The following SLC25A10 variants were observed in gnomAD, a reference collection of about 807,000 sequenced individuals.
SLC25A10 encodes mitochondrial dicarboxylate carrier.
A neutral mutation model predicts 40.4 loss-of-function variants in SLC25A10; 32 were observed. The observed-to-expected ratio is 0.79, with a 90% CI of 0.60 to 1.06. The LOEUF is 1.06. SLC25A10 is among the 50% of genes least tolerant of loss of function. The pLI is 0.00. For synonymous variants in SLC25A10, 181 were observed against 171.1 expected, an observed-to-expected ratio of 1.06 and a Z score of -0.45; for missense variants, 394 against 402.6, an observed-to-expected ratio of 0.98 and a Z score of 0.18.
chr17:81,720,366 A>G lies in SLC25A10; in HGVS notation c.*289A>G. 1 of 1,411,174 alleles carries G rather than the reference A, an allele frequency of 7.1e-7. No homozygotes were observed. The allele number at this position is 1,411,174 out of a possible 1,614,324, so 87.4% of individuals were successfully genotyped here. A position where few individuals can be genotyped will look rare whatever the true frequency, so the allele number is the denominator to read the frequency against. The stretch of plus-strand genomic sequence containing the variant: ...TCCTCAGGGGAACAGGGGCTACCAG[A>G]GGCTGATTTCTCCCCTCTCCTGGGC... On this transcript the variant is annotated 3_prime_UTR_variant, in exon 11 of 11. Transcript: ENST00000350690.
chr17:81,719,635 C>T (rs67519107), intron 9 of SLC25A10, among the ~76,000 whole-genome samples, 196 bp from the exon 10 acceptor site: 8,591 of 152,244 alleles, frequency 0.056, 334 homozygotes, highest in East Asian at 0.22. Context: ...GCAGGGTGGC[C>T]GTTGACCTGG....
In SLC25A10 at chr17:81,715,549, GC is replaced by G. The variant is rs781655189; in HGVS notation, c.287del (p.Pro96LeufsTer16). The G allele has an allele frequency of 3.8e-5, 61 of 1,612,860 alleles. No homozygotes were observed. The highest frequency in any genetic ancestry group is 2.5e-6 in the Non-Finnish European group (3 of 1,179,880). ...RDRVAKGSQG[P>X]LPFHEKVLLG... ...ACCGTGTGGCCAAGGGCAGCCAGGG[GC>G]CTCTCCCCTTCCACGAGAAGGTGTT... On this transcript the variant is annotated frameshift_variant, in exon 3 of 11. Coordinates refer to ENST00000350690, the MANE Select transcript of SLC25A10 (RefSeq NM_012140.5). LOFTEE classifies it high-confidence loss of function.
At position 81,720,242 on chromosome 17, in the gene SLC25A10, G is replaced by C; in HGVS notation, c.*165G>C. On this transcript the variant is annotated 3_prime_UTR_variant, in exon 11 of 11. Transcript: ENST00000350690. ...CCACCTGCTGGCTGAGCTCCTCCTG[G>C]CCTCGTCCCCTCTCAGCTGTAGCTG... is the stretch of plus-strand genomic sequence containing the variant. The C allele has an allele frequency of 6.9e-7, 1 of 1,451,620 alleles. No individual in the cohort carries two copies. The highest frequency in any genetic ancestry group is 9.0e-7 in the Non-Finnish European group (1 of 1,109,640). 89.9% of individuals were successfully genotyped at this position (1,451,620 alleles called of 1,614,324 possible). A position where few individuals can be genotyped will look rare whatever the true frequency, so the allele number is the denominator to read the frequency against.
rs575068528 is a variant in SLC25A10, at chr17:81,717,007, C to G, written c.469C>G (p.Leu157Val). ...CTCACCCCTTCCTTGTGCAGAGGGT[C>G]TCAGGAGACTGTTCTCGGGTGCAAC... ...GLYRVAREEG[L>V]RRLFSGATMA... Residue 157 changes from leucine to valine, a missense_variant, in exon 7 of 11, where the codon CTC becomes GTC. Leu to Val is a conservative substitution (Grantham distance 32, BLOSUM62 1). Transcript: ENST00000350690. The G allele has an allele frequency of 1.2e-6, 2 of 1,603,650 alleles. No homozygotes were observed. The highest frequency in any genetic ancestry group is 1.7e-5 in the Admixed American group (1 of 59,240).
intron 5 of SLC25A10, 82 bp downstream of exon 5, chr17:81,716,132 C>A (rs1426415883): frequency 1.4e-6 from 2 of 1,461,962 alleles, no homozygotes; most frequent in Non-Finnish European, 1.9e-6. Context: ...TCTGCCGTGA[C>A]CCAGCTGAGG....
At chr17:81,714,363 C>G (rs2144531049) in intron 1 of SLC25A10, among the ~76,000 whole-genome samples, 1 of 152,332 alleles carries the variant, frequency 6.6e-6, no homozygotes, top group East Asian at 1.9e-4. Context: ...GTCGGGCTGA[C>G]AGCCCCCGAG....
chr17:81,717,194 C>T, intron 7 of SLC25A10, 122 bp downstream of exon 7: 8 of 1,143,504 alleles, frequency 7.0e-6, no homozygotes, highest in South Asian at 1.3e-5. Flanking sequence ...CAGCTGTGAC[C>T]TTGTGGGGCA....
intron 1 of SLC25A10, among the ~76,000 whole-genome samples, chr17:81,714,539 G>A (rs1033365295): frequency 2.6e-5 from 4 of 152,180 alleles, no homozygotes; most frequent in African/African-American, 9.6e-5. Flanking sequence ...GTTTCTGAGC[G>A]GCCATAAACG....
Position 81,720,434 on chromosome 17 carries a change from A to C in SLC25A10, c.*357A>C. 1 of 1,364,446 alleles carries C rather than the reference A, an allele frequency of 7.3e-7. No individual in the cohort carries two copies. Among genetic ancestry groups the C allele is most frequent in the South Asian group, 2.0e-5 (1 of 49,994 alleles). 84.5% of individuals were successfully genotyped at this position (1,364,446 alleles called of 1,614,324 possible). On this transcript the variant is annotated 3_prime_UTR_variant, in exon 11 of 11. Transcript: ENST00000350690. Reference sequence around the variant, plus strand: ...CCCTGCCTCCTGCCCCCGATGCCCAAAGCAGCATCTTCCAGCACTTTCCAT... The same window carrying C: ...CCCTGCCTCCTGCCCCCGATGCCCACAGCAGCATCTTCCAGCACTTTCCAT...
At position 81,714,950 on chromosome 17, in the gene SLC25A10, C is replaced by T. The variant is rs552082160; in HGVS notation, c.94-3C>T. 5 of 1,607,448 alleles carry T rather than the reference C, an allele frequency of 3.1e-6. No homozygotes were observed. Among genetic ancestry groups the T allele is most frequent in the South Asian group, 1.1e-5 (1 of 90,988 alleles). On this transcript the variant is annotated splice_polypyrimidine_tract_variant and splice_region_variant and intron_variant, in intron 1 of 10. Coordinates refer to ENST00000350690, the MANE Select transcript of SLC25A10 (RefSeq NM_012140.5). The stretch of plus-strand genomic sequence containing the variant: ...TGGGGTCTGAGAGCACTCACTCCCG[C>T]AGGTGCATCTGCAGACGCAGCAGGA...
chr17:81,716,592 C>T, intron 5 of SLC25A10: 2 of 597,238 alleles, frequency 3.3e-6, no homozygotes, highest in East Asian at 5.5e-5. Flanking sequence ...GCCAGGGACT[C>T]TGTTGGAAAC....
In SLC25A10 at chr17:81,713,359, C is replaced by T. The variant is rs1362278894; in HGVS notation, c.93+840C>T. ...GCACAGTCTGCCCAGCAGGCCCTGC[C>T]CTGTGAACCTGGCTGTGGTCACTGG... On this transcript the variant is annotated intron_variant, in intron 1 of 10. Transcript: ENST00000350690. 7.1e-6 allele frequency: 5 copies of T among 708,672 alleles called. No homozygotes were observed. The South Asian group carries it at 2.5e-4, about 36-fold the overall frequency. The allele number at this position is 708,672 out of a possible 1,614,324, so 43.9% of individuals were successfully genotyped here.
At chr17:81,719,274 GCCAGGCTGGT>G (rs2037545577) in intron 9 of SLC25A10, among the ~76,000 whole-genome samples, 1 of 151,672 alleles carries the variant, frequency 6.6e-6, no homozygotes, top group Non-Finnish European at 1.5e-5. Flanking sequence ...CGCCATGTTC[GCCAGGCTGGT>G]CTTGAACTCC....
At position 81,717,090 on chromosome 17, in the gene SLC25A10, G is replaced by A. The variant is rs747147936; in HGVS notation, c.534+18G>A. 6.2e-7 allele frequency: 1 copy of A among 1,612,264 alleles called. No homozygotes were observed. Among genetic ancestry groups the A allele is most frequent in the East Asian group, 2.2e-5 (1 of 44,876 alleles). ...TGGGCCAGGTAGGCCTCCTGCGTGG[G>A]GTGGGTGTGGGCAGTGCCTGTGACC... On this transcript the variant is annotated intron_variant, in intron 7 of 10. Transcript: ENST00000350690.
intron 1 of SLC25A10, 124 bp downstream of exon 1, chr17:81,712,643 G>A: frequency 1.5e-6 from 1 of 673,718 alleles, no homozygotes; most frequent in Non-Finnish European, 2.1e-6. Context: ...CCTGGAGAGC[G>A]CGAGGAGGCC....
At chr17:81,716,292 G>C (rs143624537) in intron 5 of SLC25A10, among the ~76,000 whole-genome samples, 1 of 152,186 alleles carries the variant, frequency 6.6e-6, no homozygotes, top group Non-Finnish European at 1.5e-5. Flanking sequence ...TTGCACCCCA[G>C]GGTGGTGAGT....
chr17:81,719,496 G>A (rs1448507657), intron 9 of SLC25A10, among the ~76,000 whole-genome samples: 1 of 152,234 alleles, frequency 6.6e-6, no homozygotes, highest in Non-Finnish European at 1.5e-5. Context: ...AGAGCCCATA[G>A]CTCTGTCCCT....
At position 81,720,764 on chromosome 17, in the gene SLC25A10, C is replaced by T. The variant is rs1317981808; in HGVS notation, c.*687C>T. The T allele has an allele frequency of 2.9e-6, 1 of 347,872 alleles. No homozygotes were observed. The highest frequency in any genetic ancestry group is 5.2e-6 in the Non-Finnish European group (1 of 193,456). 21.5% of individuals were successfully genotyped at this position (347,872 alleles called of 1,614,324 possible). A position where few individuals can be genotyped will look rare whatever the true frequency, so the allele number is the denominator to read the frequency against. On this transcript the variant is annotated 3_prime_UTR_variant, in exon 11 of 11. Coordinates refer to ENST00000350690, the MANE Select transcript of SLC25A10 (RefSeq NM_012140.5). ...AGTTAGTTTTGCCAAAGCCTCTCCA[C>T]TCACCAGCAGGCGGTCTCTGTCTTC... is the stretch of plus-strand genomic sequence containing the variant.
chr17:81,719,497 C>T lies in SLC25A10; in HGVS notation c.706-334C>T, dbSNP rs1376086169. Reference sequence around the variant, plus strand: ...GCTTCCACGTTTGCAGAGCCCATAGCTCTGTCCCTTTTCTTCTCCCTGACG... The same window carrying T: ...GCTTCCACGTTTGCAGAGCCCATAGTTCTGTCCCTTTTCTTCTCCCTGACG... On this transcript the variant is annotated intron_variant, in intron 9 of 10. Transcript: ENST00000350690. 2.6e-5 allele frequency among the ~76,000 whole-genome samples: 4 copies of T among 152,362 alleles called. No homozygotes were observed. The East Asian group carries it at 7.7e-4, about 29-fold the overall frequency.
Sources: gnomAD v4.1 joint callset for allele counts (sites outside exome capture counted in the v4.1 genomes callset) on GRCh38, gnomAD v4.1.1 for gene constraint, MANE v1.5 for transcripts, NCBI Gene and HGNC (gene_info 2026-07-23, HGNC 2026-07-21) for gene names.